Variants in TMC1 observed in about 807,000 individuals in gnomAD.
TMC1 encodes transmembrane channel-like protein 1.
In TMC1, 84 loss-of-function variants were observed where a neutral mutation model predicts 105.8. The ratio of observed to expected loss-of-function variants is 0.79; its 90% CI spans 0.67 to 0.95. The LOEUF (loss-of-function observed/expected upper bound fraction) is 0.95. Among genes scored for constraint, TMC1 ranks in the 40% least tolerant of loss-of-function variants. TMC1 has a pLI of 0.00. For missense variants in TMC1, 817 were observed against 914.1 expected (o/e 0.89, Z 1.37); for synonymous variants, 315 against 311.5 (o/e 1.01, Z -0.12).
chr9:72,780,188 A>C (rs1828070890), intron 13 of TMC1, among the ~76,000 whole-genome samples: 1 of 152,200 alleles, frequency 6.6e-6, no homozygotes, highest in Non-Finnish European at 1.5e-5. Context: ...GAGAAATAAA[A>C]TCCTTTTCAG....
intron 1 of TMC1, among the ~76,000 whole-genome samples, chr9:72,547,197 G>A (rs536276866): frequency 7.2e-4 from 109 of 151,228 alleles, no homozygotes; most frequent in Non-Finnish European, 1.3e-3. Context: ...TGAGGCAGGA[G>A]AGTGGTTTAA....
intron 21 of TMC1, 101 bp from the exon 22 acceptor site, chr9:72,830,350 T>C: frequency 1.2e-6 from 1 of 844,072 alleles, no homozygotes; most frequent in Non-Finnish European, 2.0e-6. Flanking sequence ...TTAATGTTCA[T>C]TCCCATGCTG....
intron 23 of TMC1, among the ~76,000 whole-genome samples, chr9:72,831,948 T>C (rs184048508): frequency 5.9e-4 from 89 of 151,790 alleles, no homozygotes; most frequent in African/African-American, 1.8e-3. Context: ...TTTGGGTATA[T>C]ACCCAAAGGA....
At chr9:72,748,956 T>A (rs1281800054) in intron 10 of TMC1, among the ~76,000 whole-genome samples, 1 of 152,228 alleles carries the variant, frequency 6.6e-6, no homozygotes, top group African/African-American at 2.4e-5. Flanking sequence ...ATTCATTTTC[T>A]TTACACTTAA....
At chr9:72,649,597 CAT>C (rs1346266999) in intron 5 of TMC1, among the ~76,000 whole-genome samples, 8 of 152,114 alleles carry the variant, frequency 5.3e-5, no homozygotes, top group African/African-American at 1.4e-4. Flanking sequence ...TGGAGAACAT[CAT>C]TATTGAGAAG....
At chr9:72,671,176 T>A (rs1181598117) in intron 5 of TMC1, among the ~76,000 whole-genome samples, 1 of 152,206 alleles carries the variant, frequency 6.6e-6, no homozygotes, top group African/African-American at 2.4e-5. Flanking sequence ...ATGGGGCATA[T>A]AATACAATGG....
intron 1 of TMC1, among the ~76,000 whole-genome samples, chr9:72,574,914 G>C (rs1349641218): frequency 6.6e-6 from 1 of 152,088 alleles, no homozygotes; most frequent in East Asian, 1.9e-4. Flanking sequence ...TAGGCTCCTA[G>C]AAAGTCAGGA....
intron 1 of TMC1, among the ~76,000 whole-genome samples, chr9:72,557,632 T>C (rs1446328009): frequency 6.6e-6 from 1 of 152,192 alleles, no homozygotes; most frequent in East Asian, 1.9e-4. Context: ...TGATACCGAC[T>C]TCAGAGGCAG....
At chr9:72,674,288 A>T (rs1340257757) in intron 5 of TMC1, among the ~76,000 whole-genome samples, 1 of 151,278 alleles carries the variant, frequency 6.6e-6, no homozygotes, top group African/African-American at 2.4e-5. Flanking sequence ...TGACAAGCTA[A>T]TCCTAAAATT....
At chr9:72,801,825 A>G (rs1331636913) in intron 17 of TMC1, among the ~76,000 whole-genome samples, 1 of 152,054 alleles carries the variant, frequency 6.6e-6, no homozygotes, top group Non-Finnish European at 1.5e-5. Context: ...TTTAAAATAT[A>G]TTTTTCCTAT....
intron 2 of TMC1, among the ~76,000 whole-genome samples, chr9:72,615,303 G>GTTA (rs1376382354): frequency 6.6e-6 from 1 of 152,150 alleles, no homozygotes; most frequent in African/African-American, 2.4e-5. Flanking sequence ...TCATAAAGAG[G>GTTA]TTATGTACTT....
chr9:72,588,430 C>T (rs1314649349), intron 2 of TMC1, among the ~76,000 whole-genome samples: 1 of 152,144 alleles, frequency 6.6e-6, no homozygotes, highest in African/African-American at 2.4e-5. Context: ...AATGCTTGCT[C>T]ACTCCTGTGC....
At chr9:72,588,849 C>T (rs2132104261) in intron 2 of TMC1, among the ~76,000 whole-genome samples, 1 of 150,642 alleles carries the variant, frequency 6.6e-6, no homozygotes, top group East Asian at 2.0e-4. Flanking sequence ...GATCTCGGCT[C>T]ACCACGACCT....
At chr9:72,554,108 A>G (rs1272852882) in intron 1 of TMC1, among the ~76,000 whole-genome samples, 4 of 152,182 alleles carry the variant, frequency 2.6e-5, no homozygotes, top group Admixed American at 1.3e-4. Flanking sequence ...TGGTATTTTT[A>G]TAAGCATTAG....
chr9:72,605,320 G>A (rs1824894337), intron 2 of TMC1, among the ~76,000 whole-genome samples: 1 of 152,138 alleles, frequency 6.6e-6, no homozygotes, highest in Non-Finnish European at 1.5e-5. Context: ...CAGATTCACT[G>A]GGTGGTTCTG....
At chr9:72,550,630 C>T (rs1823845936) in intron 1 of TMC1, among the ~76,000 whole-genome samples, 1 of 131,946 alleles carries the variant, frequency 7.6e-6, no homozygotes, top group South Asian at 2.3e-4. Context: ...TGCACTCCAG[C>T]CTGGGCGACA....
At chr9:72,530,129 G>A (rs923459092) in intron 1 of TMC1, among the ~76,000 whole-genome samples, 4 of 152,074 alleles carry the variant, frequency 2.6e-5, no homozygotes, top group African/African-American at 7.2e-5. Context: ...ATCCCAGGTC[G>A]GTGTGGGAGC....
chr9:72,789,351 C>G, intron 15 of TMC1, 34 bp downstream of exon 15: 1 of 1,596,202 alleles, frequency 6.3e-7, no homozygotes, highest in Non-Finnish European at 8.6e-7. Flanking sequence ...GTGCTTAGAA[C>G]CTGACATTTG....
intron 5 of TMC1, among the ~76,000 whole-genome samples, chr9:72,685,661 G>A (rs1034352068): frequency 6.6e-6 from 1 of 152,096 alleles, no homozygotes; most frequent in Admixed American, 6.5e-5. Flanking sequence ...ACTGCGCCTG[G>A]CCTATAAAGT....
Sources: gnomAD v4.1 joint callset for allele counts (sites outside exome capture counted in the v4.1 genomes callset) on GRCh38, gnomAD v4.1.1 for gene constraint, MANE v1.5 for transcripts, NCBI Gene and HGNC (gene_info 2026-07-23, HGNC 2026-07-21) for gene names.